Variants in CEP350 observed in about 807,000 individuals in gnomAD.
The protein encoded by CEP350 is centrosome-associated protein 350.
A neutral mutation model predicts 331.8 loss-of-function variants in CEP350; 126 were observed. The ratio of observed to expected loss-of-function variants is 0.38; its 90% confidence interval spans 0.33 to 0.44. CEP350 has a LOEUF of 0.44. CEP350 is among the 20% of genes least tolerant of loss of function. The pLI is 1.00. For missense variants in CEP350, 3,406 were observed against 3,634.6 expected (o/e 0.94, Z 1.62); for synonymous variants, 1,200 against 1,259.5 (o/e 0.95, Z 1.00).
intron 1 of CEP350, among the ~76,000 whole-genome samples, chr1:179,968,420 G>C (rs1651187285): frequency 6.6e-6 from 1 of 152,108 alleles, no homozygotes; most frequent in Non-Finnish European, 1.5e-5. Context: ...AGTACAGAGG[G>C]GTAAAGAGAA....
In CEP350 at chr1:180,014,351, A is replaced by G. The variant is rs1284156277; in HGVS notation, c.1898A>G (p.Tyr633Cys). Residue 633 changes from tyrosine (Y) to cysteine (C), a missense_variant, in exon 10 of 38, where the codon TAC (tyrosine) becomes TGC (cysteine). Physicochemically the swap from Tyr to Cys is radical, Grantham distance 194 (BLOSUM62 -2). Around this residue, in one of 5 missense-constraint regions of CEP350, gnomAD observed 1,857 missense variants for 1,909.2 expected, o/e 0.97. Transcript: ENST00000367607. ...EQKNKRLQELYRKQKEAFTKV... is the reference protein window; with the variant it reads ...EQKNKRLQELCRKQKEAFTKV... ...AAAAACAAACGATTACAAGAGCTCTACCGGAAGCAGAAGGAAGCCTTTACT... is the reference window on the plus strand; with the variant it reads ...AAAAACAAACGATTACAAGAGCTCTGCCGGAAGCAGAAGGAAGCCTTTACT... 6.3e-7 allele frequency: 1 copy of G among 1,591,600 alleles called. No individual in the cohort carries two copies. Among genetic ancestry groups the G allele is most frequent in the African/African-American group, 1.3e-5 (1 of 74,550 alleles).
chr1:179,991,772 T>C (rs1043035458), intron 4 of CEP350, among the ~76,000 whole-genome samples: 12 of 150,730 alleles, frequency 8.0e-5, no homozygotes, highest in African/African-American at 1.7e-4. Context: ...ATGATACTTC[T>C]CTCTTAAGTG....
At chr1:180,109,755 C>A (rs1333919086) in intron 37 of CEP350, among the ~76,000 whole-genome samples, 1 of 152,196 alleles carries the variant, frequency 6.6e-6, no homozygotes, top group Non-Finnish European at 1.5e-5. Flanking sequence ...CCTGCCTCAG[C>A]CTCCCTAGTA....
intron 33 of CEP350, among the ~76,000 whole-genome samples, chr1:180,092,397 G>T (rs1660251074): frequency 6.6e-6 from 1 of 152,182 alleles, no homozygotes. Context: ...CAGTGCTTAA[G>T]AAATTATTCC....
At chr1:180,036,763 T>C (rs1484083688) in intron 16 of CEP350, among the ~76,000 whole-genome samples, 163 bp from the exon 17 acceptor site, 1 of 152,214 alleles carries the variant, frequency 6.6e-6, no homozygotes. Flanking sequence ...ATTCCTTTGG[T>C]CTGGAACTGA....
intron 1 of CEP350, among the ~76,000 whole-genome samples, chr1:179,971,820 A>G (rs1405822472): frequency 6.6e-6 from 1 of 152,204 alleles, no homozygotes; most frequent in Non-Finnish European, 1.5e-5. Flanking sequence ...TCCATTGTAC[A>G]TTCATAAGAG....
chr1:180,053,211 T>A, intron 23 of CEP350, 45 bp downstream of exon 23: 1 of 963,422 alleles, frequency 1.0e-6, no homozygotes, highest in South Asian at 2.3e-5. Flanking sequence ...GTGGATATGT[T>A]CTCTCAAAGA....
At chr1:179,969,380 G>A (rs1270063930) in intron 1 of CEP350, 13 of 515,252 alleles carry the variant, frequency 2.5e-5, no homozygotes, top group Non-Finnish European at 4.3e-5. Context: ...AGACTGGTCT[G>A]AGGGCGTGCG....
At chr1:180,076,909 C>T (rs753700099) in intron 28 of CEP350, among the ~76,000 whole-genome samples, 1 of 151,944 alleles carries the variant, frequency 6.6e-6, no homozygotes, top group Non-Finnish European at 1.5e-5. Context: ...AACAAAAAAC[C>T]AAACCTATAA....
chr1:180,052,230 G>T (rs1220377052), intron 22 of CEP350: 2 of 453,662 alleles, frequency 4.4e-6, no homozygotes, highest in African/African-American at 2.0e-5. Context: ...TAAGAGACGG[G>T]GTCTTGCTCT....
At chr1:180,062,099 C>A (rs994672462) in intron 25 of CEP350, 121 bp from the exon 26 acceptor site, 1 of 911,292 alleles carries the variant, frequency 1.1e-6, no homozygotes, top group African/African-American at 1.7e-5. Flanking sequence ...AGTATTACTA[C>A]TTTTATTATA....
At chr1:180,039,431 T>A (rs989436017) in intron 17 of CEP350, among the ~76,000 whole-genome samples, 3 of 152,310 alleles carry the variant, frequency 2.0e-5, no homozygotes, top group Admixed American at 2.0e-4. Context: ...AAGTGTGTAA[T>A]CCTTCTCAAG....
chr1:180,053,234 T>G (rs963917054), intron 23 of CEP350, 68 bp downstream of exon 23: 27 of 749,958 alleles, frequency 3.6e-5, no homozygotes, highest in Non-Finnish European at 4.6e-5. Flanking sequence ...TGAGAAAACA[T>G]TTTGTACTTA....
At chr1:180,058,028 C>G (rs148448967) in intron 25 of CEP350, among the ~76,000 whole-genome samples, 1 of 152,260 alleles carries the variant, frequency 6.6e-6, no homozygotes, top group East Asian at 1.9e-4. Context: ...AGAGTGTTGA[C>G]TGGTGTAACC....
At chr1:179,959,230 G>A (rs1650404478) in intron 1 of CEP350, among the ~76,000 whole-genome samples, 1 of 152,256 alleles carries the variant, frequency 6.6e-6, no homozygotes, top group Non-Finnish European at 1.5e-5. Flanking sequence ...GCCGAGGCAA[G>A]TGGGTCACTT....
intron 28 of CEP350, among the ~76,000 whole-genome samples, chr1:180,077,620 G>A (rs1266277296): frequency 4.5e-5 from 6 of 134,598 alleles, no homozygotes; most frequent in East Asian, 4.8e-4. Context: ...TGACCTGTTC[G>A]TGCCACTGCA....
Position 180,080,500 on chromosome 1 carries a change from G to T in CEP350, c.5980-17G>T. 1 of 1,606,716 alleles carries T rather than the reference G, an allele frequency of 6.2e-7. No individual in the cohort carries two copies. The highest frequency in any genetic ancestry group is 8.5e-7 in the Non-Finnish European group (1 of 1,176,614). Reference sequence around the variant, plus strand: ...TATATCAAAAAATAGTTTCCATTTGGTTTTCTGTTTGAACAGTCACTTCCC... The same window carrying T: ...TATATCAAAAAATAGTTTCCATTTGTTTTTCTGTTTGAACAGTCACTTCCC... On this transcript the variant is annotated splice_polypyrimidine_tract_variant and intron_variant, in intron 29 of 37. Transcript: ENST00000367607.
intron 22 of CEP350, among the ~76,000 whole-genome samples, chr1:180,049,451 T>C (rs1348650269): frequency 2.0e-5 from 3 of 152,180 alleles, no homozygotes; most frequent in African/African-American, 2.4e-5. Flanking sequence ...GTGCTTTACT[T>C]GACTAGCAGA....
rs1253059188 is a variant in CEP350, at chr1:180,093,962, T to C, written c.7857T>C (p.Ser2619=). The part of the protein sequence containing the change: ...SEYFYEKSLP[S]VNDIEASVNR... Reference sequence around the variant, plus strand: ...ATTTTTATGAGAAATCCCTACCTAGTGTGAATGATATAGAAGCCTCAGTTA... The same window carrying C: ...ATTTTTATGAGAAATCCCTACCTAGCGTGAATGATATAGAAGCCTCAGTTA... The change falls in exon 34 of 38, where the codon AGT becomes AGC. Residue 2619 remains serine (S), a synonymous_variant. Transcript: ENST00000367607. 6.2e-7 allele frequency: 1 copy of C among 1,613,752 alleles called. No homozygotes were observed. Among genetic ancestry groups the C allele is most frequent in the Non-Finnish European group, 8.5e-7 (1 of 1,179,830 alleles).
Sources: gnomAD v4.1 joint callset for allele counts (sites outside exome capture counted in the v4.1 genomes callset) on GRCh38, gnomAD v4.1.1 for gene constraint, gnomAD v4.1.1 regional missense constraint, MANE v1.5 for transcripts, NCBI Gene and HGNC (gene_info 2026-07-23, HGNC 2026-07-21) for gene names.